Variants in PPP2R1B observed in about 807,000 individuals in gnomAD.
PPP2R1B encodes the protein protein phosphatase 2 scaffold subunit Abeta, also known as serine/threonine-protein phosphatase 2A 65 kDa regulatory subunit A beta isoform.
A neutral mutation model predicts 72.7 loss-of-function variants in PPP2R1B; 58 were observed. That is an observed-to-expected ratio of 0.80 (90% CI 0.65 to 0.99). The LOEUF (loss-of-function observed/expected upper bound fraction) is 0.99. Among genes scored for constraint, PPP2R1B ranks in the 50% least tolerant of loss-of-function variants. The pLI is 0.00. For synonymous variants in PPP2R1B, 256 were observed against 264.6 expected (o/e 0.97, Z 0.32); for missense variants, 695 against 733.6 (o/e 0.95, Z 0.61).
In PPP2R1B at chr11:111,765,355, T is replaced by C; in HGVS notation, c.144A>G (p.Ser48=). Residue 48 remains serine (S), a synonymous_variant, in exon 2 of 15, where the codon TCA becomes TCG. Transcript: ENST00000527614. ...CTACTCCAAGTGCTAGGGCAATTGT[T>C]GATAACTTCTTAATACTGTTGAGTC... ...QLRLNSIKKL[S]TIALALGVER... The C allele has an allele frequency of 6.2e-7, 1 of 1,613,606 alleles. No homozygotes were observed. Among genetic ancestry groups the C allele is most frequent in the Non-Finnish European group, 8.5e-7 (1 of 1,179,586 alleles).
Position 111,738,833 on chromosome 11 carries a change from GGT to G in PPP2R1B, c.*2761_*2762del. On this transcript the variant is annotated 3_prime_UTR_variant, in exon 15 of 15. Transcript: ENST00000527614. ...CACAAATTACAGAGAGAAACACCAA[GGT>G]GAATTCCACTGTTGCTGAGACATTT... is the stretch of plus-strand genomic sequence containing the variant. The G allele has an allele frequency of 1.0e-6, 1 of 984,734 alleles. No homozygotes were observed. Among genetic ancestry groups the G allele is most frequent in the Non-Finnish European group, 1.2e-6 (1 of 829,888 alleles). 61.0% of individuals were successfully genotyped at this position (984,734 alleles called of 1,614,324 possible).
the PPP2R1B span, among the ~76,000 whole-genome samples, chr11:111,710,426 T>C: frequency 6.6e-6 from 1 of 152,236 alleles, no homozygotes; most frequent in Admixed American, 6.5e-5. Flanking sequence ...GTGATATTAA[T>C]ATTGGAATAT....
the PPP2R1B span, chr11:111,700,934 G>C: frequency 1.2e-6 from 2 of 1,614,054 alleles, no homozygotes; most frequent in Non-Finnish European, 1.7e-6. Flanking sequence ...CTGGCAACAT[G>C]GTGTGGCAGC....
chr11:111,760,355 T>C (rs959310816), intron 4 of PPP2R1B, among the ~76,000 whole-genome samples: 1 of 152,168 alleles, frequency 6.6e-6, no homozygotes, highest in Non-Finnish European at 1.5e-5. Flanking sequence ...GCTAATTTTT[T>C]TCTTTTTAGT....
chr11:111,766,237 CAGT>C lies in PPP2R1B; in HGVS notation c.114+8_114+10del. 1 of 1,613,560 alleles carries C rather than the reference CAGT, an allele frequency of 6.2e-7. No homozygotes were observed. Among genetic ancestry groups the C allele is most frequent in the Non-Finnish European group, 8.5e-7 (1 of 1,179,664 alleles). The stretch of plus-strand genomic sequence containing the variant: ...CGGTCTCGCCTCGGGTCCCCGGCCT[CAGT>C]CCAGTACCTGCACGTCTTCATTGCG... On this transcript the variant is annotated splice_region_variant and intron_variant, in intron 1 of 14. Coordinates refer to ENST00000527614, the MANE Select transcript of PPP2R1B (RefSeq NM_002716.5).
At chr11:111,725,975 C>G (rs778522855), downstream of PPP2R1B, 11 of 152,176 alleles carry the variant, frequency 7.2e-5, no homozygotes, top group Non-Finnish European at 1.3e-4. Flanking sequence ...ATGAATTAAG[C>G]TTCTTCTGGG....
At chr11:111,709,482 G>A in the PPP2R1B span, among the ~76,000 whole-genome samples, 1 of 152,188 alleles carries the variant, frequency 6.6e-6, no homozygotes, top group Non-Finnish European at 1.5e-5. Context: ...AATGGTTCTG[G>A]AGAGCACAAA....
chr11:111,750,029 TAGCAC>T (rs1565452061), intron 10 of PPP2R1B, among the ~76,000 whole-genome samples: 3 of 152,142 alleles, frequency 2.0e-5, no homozygotes, highest in Non-Finnish European at 4.4e-5. Flanking sequence ...AGATGACCCA[TAGCAC>T]TTGGGAGTGA....
At chr11:111,764,150 G>A (rs1365535395) in intron 3 of PPP2R1B, among the ~76,000 whole-genome samples, 16 of 151,636 alleles carry the variant, frequency 1.1e-4, no homozygotes, top group Admixed American at 5.3e-4. Flanking sequence ...TTCCATTTAC[G>A]ACTGCACGGT....
intron 15 of PPP2R1B, chr11:111,729,270 C>T (rs1288771554): frequency 6.6e-6 from 1 of 152,320 alleles, no homozygotes; most frequent in African/African-American, 2.4e-5. Flanking sequence ...CACACTGGGG[C>T]ACAGATAGAG....
the PPP2R1B span, among the ~76,000 whole-genome samples, chr11:111,703,991 G>A: frequency 2.6e-5 from 4 of 152,132 alleles, no homozygotes; most frequent in Non-Finnish European, 2.9e-5. Flanking sequence ...TAGGATATAC[G>A]TATTTCTAAT....
chr11:111,737,474 T>G, downstream of PPP2R1B: 1 of 1,614,240 alleles, frequency 6.2e-7, no homozygotes, highest in Non-Finnish European at 8.5e-7. Flanking sequence ...CCAGGCACTG[T>G]GGGTCTTGGG....
At chr11:111,688,313 G>T in the PPP2R1B span, 1 of 765,534 alleles carries the variant, frequency 1.3e-6, no homozygotes. The surrounding 1 kb of genome is among the most constrained non-coding windows in gnomAD (Gnocchi z 4.2). Context: ...CCTTAGTTCT[G>T]TGTGTAATTA....
chr11:111,733,754 G>C (rs890938748), downstream of PPP2R1B, among the ~76,000 whole-genome samples: 1 of 152,160 alleles, frequency 6.6e-6, no homozygotes, highest in East Asian at 1.9e-4. Context: ...CCTTCCAGTC[G>C]CTACAGAGCC....
chr11:111,701,547 A>G, the PPP2R1B span: 2 of 1,613,776 alleles, frequency 1.2e-6, no homozygotes, highest in Non-Finnish European at 1.7e-6. The surrounding 1 kb of genome is among the most constrained non-coding windows in gnomAD (Gnocchi z 4.2). Flanking sequence ...TGGAAGGAAG[A>G]TTCCGGATTC....
the PPP2R1B span, chr11:111,700,891 G>A: frequency 1.2e-6 from 2 of 1,613,716 alleles, no homozygotes; most frequent in Non-Finnish European, 1.7e-6. Flanking sequence ...AATAGATTTC[G>A]GTTTTGGAAA....
At chr11:111,737,449 T>C (rs751052585), downstream of PPP2R1B, 97 of 1,614,046 alleles carry the variant, frequency 6.0e-5, no homozygotes, top group Admixed American at 1.6e-3. Context: ...GGCACTTACC[T>C]TCCCCATGTC....
chr11:111,719,933 C>T, the PPP2R1B span: 1 of 1,614,144 alleles, frequency 6.2e-7, no homozygotes, highest in African/African-American at 1.3e-5. Flanking sequence ...CATTTCAGTC[C>T]ACACGCAGCG....
At chr11:111,724,098 C>T, downstream of PPP2R1B, 1 of 1,612,606 alleles carries the variant, frequency 6.2e-7, no homozygotes, top group Non-Finnish European at 8.5e-7. Flanking sequence ...GCTGTGGATC[C>T]ACAACACAAC....
Sources: gnomAD v4.1 joint callset for allele counts (sites outside exome capture counted in the v4.1 genomes callset) on GRCh38, gnomAD v4.1.1 for gene constraint, Gnocchi (gnomAD v3.1) non-coding constraint, MANE v1.5 for transcripts, NCBI Gene and HGNC (gene_info 2026-07-23, HGNC 2026-07-21) for gene names.